EPB41L2: variants seen among roughly 807,000 people sequenced by gnomAD.
The protein encoded by EPB41L2 is erythrocyte membrane protein band 4.1 like 2.
In EPB41L2, 43 loss-of-function variants were observed where a neutral mutation model predicts 113.0. The observed-to-expected ratio is 0.38, with a 90% CI of 0.30 to 0.49. EPB41L2 has a LOEUF of 0.49. EPB41L2 is among the 20% of genes least tolerant of loss of function. The pLI is 0.95. For missense variants in EPB41L2, 1,147 were observed against 1,223.4 expected, an observed-to-expected ratio of 0.94 and a Z score of 0.93; for synonymous variants, 442 against 436.7, an observed-to-expected ratio of 1.01 and a Z score of -0.15.
intron 1 of EPB41L2, among the ~76,000 whole-genome samples, chr6:130,981,464 G>A (rs570342560): frequency 6.6e-6 from 1 of 152,250 alleles, no homozygotes; most frequent in South Asian, 2.1e-4. Context: ...ACAAGATAAT[G>A]AAGACCACCA....
At chr6:130,943,107 T>TAC (rs1411198278) in intron 3 of EPB41L2, among the ~76,000 whole-genome samples, 1 of 152,200 alleles carries the variant, frequency 6.6e-6, no homozygotes, top group African/African-American at 2.4e-5. Flanking sequence ...TTTGGGTATA[T>TAC]ACCCAGTAAT....
At chr6:130,880,348 C>A in intron 12 of EPB41L2, 142 bp from the exon 13 acceptor site, 1 of 631,230 alleles carries the variant, frequency 1.6e-6, no homozygotes, top group Non-Finnish European at 2.8e-6. Flanking sequence ...CTTAAAGCCA[C>A]AACAAACACA....
chr6:131,007,580 A>G (rs534321237), intron 1 of EPB41L2, among the ~76,000 whole-genome samples: 3 of 152,302 alleles, frequency 2.0e-5, no homozygotes, highest in East Asian at 3.9e-4. Flanking sequence ...AAAATGTGAG[A>G]AAGTCTGGAA....
Position 130,880,177 on chromosome 6 carries a change from A to G in EPB41L2, c.1863T>C (p.Asn621=). 1 of 1,610,386 alleles carries G rather than the reference A, an allele frequency of 6.2e-7. No individual in the cohort carries two copies. The highest frequency in any genetic ancestry group is 8.5e-7 in the Non-Finnish European group (1 of 1,176,696). ...TTAAATTGCTATGTCTGACATAAATATTATCCCCTTCTACTCTCAAGGAAT... is the reference window on the plus strand; with the variant it reads ...TTAAATTGCTATGTCTGACATAAATGTTATCCCCTTCTACTCTCAAGGAAT... ...KKNSLRVEGD[N]IYVRHSNLML... is the part of the protein sequence containing the mutation. The change falls in exon 13 of 20, where the codon AAT becomes AAC. Residue 621 remains asparagine (N), a synonymous_variant. Transcript: ENST00000337057.
chr6:131,043,777 T>C (rs1794888855), intron 1 of EPB41L2, among the ~76,000 whole-genome samples: 1 of 152,206 alleles, frequency 6.6e-6, no homozygotes, highest in Non-Finnish European at 1.5e-5. Flanking sequence ...TTAGTTATTA[T>C]AATGGTATTC....
intron 1 of EPB41L2, among the ~76,000 whole-genome samples, chr6:131,050,495 T>G (rs1796300253): frequency 1.3e-5 from 2 of 152,236 alleles, no homozygotes; most frequent in Admixed American, 1.3e-4. Context: ...TAACTAACAC[T>G]GATCACATAA....
At chr6:130,912,279 T>A (rs940220346) in intron 4 of EPB41L2, among the ~76,000 whole-genome samples, 2 of 152,236 alleles carry the variant, frequency 1.3e-5, no homozygotes, top group African/African-American at 4.8e-5. Flanking sequence ...TATTCAGATA[T>A]ATAAAGCAAA....
chr6:130,942,911 G>A (rs539771942), intron 3 of EPB41L2, among the ~76,000 whole-genome samples: 1 of 152,164 alleles, frequency 6.6e-6, no homozygotes, highest in Non-Finnish European at 1.5e-5. Flanking sequence ...CCATGTCCCT[G>A]CAAAGGACAC....
At chr6:131,057,743 C>A (rs1797864804) in intron 1 of EPB41L2, among the ~76,000 whole-genome samples, 1 of 152,160 alleles carries the variant, frequency 6.6e-6, no homozygotes, top group Non-Finnish European at 1.5e-5. Context: ...AAAATTCTTT[C>A]ATGAAGGTTG....
chr6:130,943,488 T>C (rs777526695), intron 3 of EPB41L2, among the ~76,000 whole-genome samples: 3 of 152,200 alleles, frequency 2.0e-5, no homozygotes, highest in Non-Finnish European at 4.4e-5. Context: ...GGTAAAAACT[T>C]ACTAAGTGGT....
chr6:131,020,476 A>C (rs1047841385), intron 1 of EPB41L2, among the ~76,000 whole-genome samples: 1 of 152,190 alleles, frequency 6.6e-6, no homozygotes, highest in Non-Finnish European at 1.5e-5. Flanking sequence ...TCTACCTTTT[A>C]CATCCTCCTT....
rs545388406 is a variant in EPB41L2 at position 131,049,022 on chromosome 6, T to C, written c.-15+14133A>G. 1.7e-3 allele frequency among the ~76,000 whole-genome samples: 264 copies of C among 152,336 alleles called. 1 individual carries two copies. The highest frequency in any genetic ancestry group is 3.3e-3 in the Non-Finnish European group (222 of 68,032). On this transcript the variant is annotated intron_variant, in intron 1 of 19. Coordinates refer to ENST00000337057, the MANE Select transcript of EPB41L2 (RefSeq NM_001431.4). The stretch of plus-strand genomic sequence containing the variant: ...TATTCTAGAATCTACCCTCTTTCGA[T>C]TTAAGCTTGCAGCACTGAAGATGAA...
Position 131,021,189 on chromosome 6 carries a change from C to A in EPB41L2, c.-15+41966G>T, listed in dbSNP as rs74523688. ...CTGTGATCTTTCCACAGAAGGAGCTCATGCAGAAGAATATCATTTCAACAA... is the reference window on the plus strand; with the variant it reads ...CTGTGATCTTTCCACAGAAGGAGCTAATGCAGAAGAATATCATTTCAACAA... On this transcript the variant is annotated intron_variant, in intron 1 of 19. Coordinates refer to ENST00000337057, the MANE Select transcript of EPB41L2 (RefSeq NM_001431.4). 6.9e-4 allele frequency among the ~76,000 whole-genome samples: 105 copies of A among 152,290 alleles called. 1 individual carries two copies. The East Asian group carries it at 0.018, about 27-fold the overall frequency.
At chr6:131,006,772 C>T (rs1026155095) in intron 1 of EPB41L2, among the ~76,000 whole-genome samples, 1 of 152,142 alleles carries the variant, frequency 6.6e-6, no homozygotes, top group East Asian at 1.9e-4. Flanking sequence ...AAAAATCCTG[C>T]CCTAGACCTA....
At chr6:130,874,018 G>T (rs535472483) in intron 14 of EPB41L2, among the ~76,000 whole-genome samples, 1 of 152,290 alleles carries the variant, frequency 6.6e-6, no homozygotes, top group African/African-American at 2.4e-5. Flanking sequence ...GGAATTTAAA[G>T]AAGTGCCACA....
rs932720822 is a variant in EPB41L2, at chr6:130,954,980, AT to A, written c.705+124del. 254 of 817,094 alleles carry A rather than the reference AT, an allele frequency of 3.1e-4. 1 individual carries two copies. Among genetic ancestry groups the A allele is most frequent in the Non-Finnish European group, 4.0e-4 (201 of 498,314 alleles). 50.6% of individuals were successfully genotyped at this position (817,094 alleles called of 1,614,324 possible). On this transcript the variant is annotated intron_variant, in intron 3 of 19. Transcript: ENST00000337057. The stretch of plus-strand genomic sequence containing the variant: ...CAGAAATGATGACCCACTTCAATGT[AT>A]TTTTTTTAGTGCAAAACTGTAATCA...
intron 14 of EPB41L2, 117 bp downstream of exon 14, chr6:130,877,986 TA>T (rs1788088869): frequency 2.8e-6 from 3 of 1,056,660 alleles, no homozygotes; most frequent in Non-Finnish European, 1.3e-6. Context: ...AGTAATTACA[TA>T]AAAATAATTA....
intron 1 of EPB41L2, among the ~76,000 whole-genome samples, chr6:131,051,452 C>CAAAAAA (rs547631535): frequency 8.2e-4 from 83 of 101,728 alleles, no homozygotes; most frequent in Non-Finnish European, 1.2e-3. Flanking sequence ...AAAAGTAAAG[C>CAAAAAA]AAAAAAAAAA....
At chr6:130,845,660 C>T (rs1406330845) in intron 19 of EPB41L2, among the ~76,000 whole-genome samples, 2 of 152,182 alleles carry the variant, frequency 1.3e-5, no homozygotes, top group Non-Finnish European at 2.9e-5. Flanking sequence ...GGATTACAGG[C>T]GTGAGCCACC....
Sources: allele counts gnomAD v4.1 joint callset (sites outside exome capture counted in the v4.1 genomes callset), GRCh38; gene constraint gnomAD v4.1.1; transcripts MANE v1.5; gene names NCBI Gene and HGNC (gene_info 2026-07-23, HGNC 2026-07-21).